Variants in OPHN1 observed in about 807,000 individuals in gnomAD.
The protein encoded by OPHN1 is oligophrenin 1, also known as oligophrenin-1.
Under a neutral mutation model 60.7 loss-of-function variants are expected in OPHN1, and 11 were observed. The ratio of observed to expected loss-of-function variants is 0.18; its 90% CI spans 0.11 to 0.30. The LOEUF is 0.30. Ranked by LOEUF, OPHN1 falls within the 10% of genes least tolerant of loss-of-function variation. The probability of loss-of-function intolerance (pLI) is 1.00; values close to 1 mark genes in which losing one functional copy is unlikely to be tolerated. For missense variants in OPHN1, 449 were observed against 611.0 expected, an observed-to-expected ratio of 0.73 and a Z score of 2.80; for synonymous variants, 226 against 222.6, an observed-to-expected ratio of 1.02 and a Z score of -0.14.
chrX:68,303,216 A>C (rs752609351), intron 2 of OPHN1, among the ~76,000 whole-genome samples: 44 of 112,312 alleles, frequency 3.9e-4, no homozygotes, highest in African/African-American at 1.4e-3. Context: ...ATCAAAACAA[A>C]TGCTACAATT....
Position 68,070,700 on chromosome X carries a change from C to T in OPHN1, c.1834+2452G>A, listed in dbSNP as rs1227351390. ...AGCCCCTAGAAGTGGCTTTCACCAC[C>T]TCATCCATGAGGGCTTTGGTTCCCT... On this transcript the variant is annotated intron_variant, in intron 20 of 24. Coordinates refer to ENST00000355520, the MANE Select transcript of OPHN1 (RefSeq NM_002547.3). The T allele has an allele frequency of 3.8e-6, 4 of 1,064,295 alleles. No homozygotes were observed. In the African/African-American group the frequency reaches 5.6e-5, roughly 15 times the overall value. The allele number at this position is 1,064,295 out of a possible 1,213,427, so 87.7% of individuals were successfully genotyped here.
intron 12 of OPHN1, among the ~76,000 whole-genome samples, chrX:68,196,436 G>C (rs774934998): frequency 5.2e-4 from 58 of 112,036 alleles, no homozygotes; most frequent in African/African-American, 1.8e-3. Context: ...ATCTCAGAGA[G>C]GTGAAATGAT....
At chrX:68,219,738 C>A (rs1378161467) in intron 6 of OPHN1, among the ~76,000 whole-genome samples, 1 of 106,673 alleles carries the variant, frequency 9.4e-6, no homozygotes, top group East Asian at 3.0e-4. Context: ...CCAATGAGAA[C>A]AAAGACACAA....
chrX:68,234,165 C>G (rs1602259677), intron 6 of OPHN1, among the ~76,000 whole-genome samples: 1 of 108,877 alleles, frequency 9.2e-6, no homozygotes, highest in African/African-American at 3.3e-5. Context: ...TGATTTCTAC[C>G]AAATACAACA....
intron 20 of OPHN1, among the ~76,000 whole-genome samples, chrX:68,068,460 G>T (rs2076921320): frequency 1.6e-5 from 1 of 62,332 alleles, no homozygotes; most frequent in African/African-American, 6.1e-5. Context: ...GACACTGTGA[G>T]ACTCCATCTC....
intron 18 of OPHN1, among the ~76,000 whole-genome samples, chrX:68,100,120 T>C (rs2077052006): frequency 8.9e-6 from 1 of 111,777 alleles, no homozygotes; most frequent in African/African-American, 3.3e-5. Context: ...CTTCCAGCTC[T>C]GACAATTAAG....
intron 21 of OPHN1, among the ~76,000 whole-genome samples, chrX:68,061,669 A>G (rs1257619156): frequency 8.9e-6 from 1 of 111,873 alleles, no homozygotes; most frequent in Non-Finnish European, 1.9e-5. Context: ...AATCCTAGCA[A>G]TAATAATTCT....
rs141294071 is a variant in OPHN1, at chrX:68,064,251, A to G, written c.1835-74T>C. 3.3e-4 allele frequency: 336 copies of G among 1,021,460 alleles called. 1 individual carries two copies. The East Asian group carries it at 0.01, about 31-fold the overall frequency. The allele number at this position is 1,021,460 out of a possible 1,213,427, so 84.2% of individuals were successfully genotyped here. A position where few individuals can be genotyped will look rare whatever the true frequency, so the allele number is the denominator to read the frequency against. On this transcript the variant is annotated intron_variant, in intron 20 of 24. Coordinates refer to ENST00000355520, the MANE Select transcript of OPHN1 (RefSeq NM_002547.3). ...CCTTTTCATTTTGATACATGCATAC[A>G]TACTTAATTTTGAAAATTTGTATAC... is the stretch of plus-strand genomic sequence containing the variant.
At chrX:68,299,643 A>T (rs2078110912) in intron 2 of OPHN1, among the ~76,000 whole-genome samples, 1 of 111,705 alleles carries the variant, frequency 9.0e-6, no homozygotes, top group Non-Finnish European at 1.9e-5. Context: ...TATCTGGAAG[A>T]CGAAGACTCC....
At chrX:68,071,343 G>A (rs1383631091) in intron 20 of OPHN1, 6 of 731,592 alleles carry the variant, frequency 8.2e-6, no homozygotes, top group East Asian at 3.2e-5. Flanking sequence ...CTATTTTGGC[G>A]GGCTCACTTT....
intron 3 of OPHN1, among the ~76,000 whole-genome samples, 168 bp from the exon 4 acceptor site, chrX:68,283,285 GTTTCT>G (rs1475195416): frequency 1.8e-5 from 2 of 111,918 alleles, no homozygotes; most frequent in Non-Finnish European, 3.8e-5. Context: ...CCTGTTGAAT[GTTTCT>G]TTTCTTTTCT....
At chrX:68,151,034 C>T (rs920031034) in intron 15 of OPHN1, among the ~76,000 whole-genome samples, 2 of 111,369 alleles carry the variant, frequency 1.8e-5, no homozygotes, top group African/African-American at 6.5e-5. Context: ...GATTAAGAAG[C>T]CAAAAATGCA....
At position 68,397,524 on chromosome X, in the gene OPHN1, ATTTTTTTTT is replaced by A. The variant is rs753432008; in HGVS notation, c.154+35334_154+35342del. On this transcript the variant is annotated intron_variant, in intron 2 of 24. Transcript: ENST00000355520. ...ACTTTTTTCTTTTATTTATTTATTT[ATTTTTTTTT>A]TTTTTTTGAAACAGAGTCTCACTCT... is the stretch of plus-strand genomic sequence containing the variant. 3.3e-3 allele frequency among the ~76,000 whole-genome samples: 105 copies of A among 31,567 alleles called. 1 individual carries two copies. Among genetic ancestry groups the A allele is most frequent in the African/African-American group, 8.1e-3 (97 of 11,984 alleles). 27.4% of individuals were successfully genotyped at this position (31,567 alleles called of 115,157 possible). A position where few individuals can be genotyped will look rare whatever the true frequency, so the allele number is the denominator to read the frequency against.
At chrX:68,283,211 C>T (rs769525297) in intron 3 of OPHN1, 94 bp from the exon 4 acceptor site, 7 of 698,490 alleles carry the variant, frequency 1.0e-5, no homozygotes, top group Non-Finnish European at 1.6e-5. Flanking sequence ...GGGACCAGTG[C>T]CCTATGCCCA....
intron 3 of OPHN1, among the ~76,000 whole-genome samples, chrX:68,288,790 A>G (rs1457712365): frequency 9.0e-6 from 1 of 111,724 alleles, no homozygotes; most frequent in Non-Finnish European, 1.9e-5. Flanking sequence ...AAGAAAAAAA[A>G]GACAAAAGAA....
chrX:68,363,881 GA>G (rs2078485919), intron 2 of OPHN1, among the ~76,000 whole-genome samples: 1 of 110,811 alleles, frequency 9.0e-6, no homozygotes, highest in Non-Finnish European at 1.9e-5. Context: ...AATGAGATTG[GA>G]AAAAAAGTTG....
rs1021421810 is a variant in OPHN1, at chrX:68,260,271, G to C, written c.384+14467C>G. Among the ~76,000 whole-genome samples, 6 of 109,178 alleles carry C rather than the reference G, an allele frequency of 5.5e-5. No homozygotes were observed. The Admixed American group carries it at 5.9e-4, about 11-fold the overall frequency. 94.8% of individuals were successfully genotyped at this position (109,178 alleles called of 115,157 possible). On this transcript the variant is annotated intron_variant, in intron 5 of 24. Transcript: ENST00000355520. ...GGACTCATATAGCAGGTAATCTTTC[G>C]TGACTGTTTTTTTTTAACTCAACCT... is the stretch of plus-strand genomic sequence containing the variant.
At chrX:68,339,726 C>T (rs1189250305) in intron 2 of OPHN1, among the ~76,000 whole-genome samples, 1 of 111,393 alleles carries the variant, frequency 9.0e-6, no homozygotes, top group Non-Finnish European at 1.9e-5. Flanking sequence ...CTTCAGCCTC[C>T]CAGGTAGCTG....
At chrX:68,076,604 A>T (rs764919657) in intron 19 of OPHN1, among the ~76,000 whole-genome samples, 186 of 111,702 alleles carry the variant, frequency 1.7e-3, no homozygotes, top group Non-Finnish European at 3.0e-3. Flanking sequence ...CTTAAGAAAA[A>T]TGTTTTACGT....
Sources: gnomAD v4.1 joint callset for allele counts (sites outside exome capture counted in the v4.1 genomes callset) on GRCh38, gnomAD v4.1.1 for gene constraint, MANE v1.5 for transcripts, NCBI Gene and HGNC (gene_info 2026-07-23, HGNC 2026-07-21) for gene names.